ASZ1: variants seen among roughly 807,000 people sequenced by gnomAD.
ASZ1 encodes ankyrin repeat, SAM and basic leucine zipper domain containing 1, also known as ankyrin repeat, SAM and basic leucine zipper domain-containing protein 1.
In ASZ1, 67 loss-of-function variants were observed where a neutral mutation model predicts 61.8. The observed-to-expected ratio is 1.08, with a 90% CI of 0.89 to 1.33. ASZ1 has a LOEUF of 1.33. Ranked by LOEUF, ASZ1 falls within the 40% of genes most tolerant of loss-of-function variation. The pLI, the probability that ASZ1 is intolerant of heterozygous loss-of-function variation, is 0.00. For synonymous variants in ASZ1, 193 were observed against 192.7 expected, an observed-to-expected ratio of 1.00 and a Z score of -0.01; for missense variants, 577 against 554.5, an observed-to-expected ratio of 1.04 and a Z score of -0.41.
chr7:117,367,126 C>A (rs1458757926), intron 12 of ASZ1, among the ~76,000 whole-genome samples: 1 of 152,084 alleles, frequency 6.6e-6, no homozygotes, highest in African/African-American at 2.4e-5. Context: ...TTTTTCCCTG[C>A]TAATTGAAAA....
At chr7:117,408,238 G>A (rs1333021674) in intron 4 of ASZ1, among the ~76,000 whole-genome samples, 2 of 152,044 alleles carry the variant, frequency 1.3e-5, no homozygotes. Context: ...TCATTAGTAT[G>A]AGATGTCTAA....
intron 4 of ASZ1, 103 bp from the exon 5 acceptor site, chr7:117,385,912 C>G: frequency 4.5e-6 from 4 of 889,084 alleles, no homozygotes; most frequent in Non-Finnish European, 6.8e-6. Context: ...GCTTTGAAAA[C>G]GAAAAGAAAT....
chr7:117,381,491 G>C (rs190846290), intron 8 of ASZ1, among the ~76,000 whole-genome samples: 4 of 152,140 alleles, frequency 2.6e-5, no homozygotes, highest in African/African-American at 7.2e-5. Flanking sequence ...TATTTTAACA[G>C]AATGTGCACA....
chr7:117,392,434 T>G (rs1376079771), intron 4 of ASZ1, among the ~76,000 whole-genome samples: 1 of 152,176 alleles, frequency 6.6e-6, no homozygotes, highest in Non-Finnish European at 1.5e-5. Flanking sequence ...GTATTTTAAT[T>G]ATTTCATTTT....
At chr7:117,425,246 C>G (rs1192579628) in intron 2 of ASZ1, among the ~76,000 whole-genome samples, 1 of 140,558 alleles carries the variant, frequency 7.1e-6, no homozygotes. Flanking sequence ...CTTGTTATTC[C>G]TTTGAGTAAT....
intron 4 of ASZ1, among the ~76,000 whole-genome samples, chr7:117,418,295 T>C (rs1036420049): frequency 2.0e-5 from 3 of 152,192 alleles, no homozygotes; most frequent in Non-Finnish European, 4.4e-5. Context: ...AATTCCAAGG[T>C]ATAACCAGAT....
intron 10 of ASZ1, among the ~76,000 whole-genome samples, chr7:117,373,139 G>C (rs958926900): frequency 6.6e-6 from 1 of 152,102 alleles, no homozygotes; most frequent in Non-Finnish European, 1.5e-5. Context: ...CAGACAAAGA[G>C]TCTAAACAGG....
In ASZ1 at chr7:117,384,780, T is replaced by C. The variant is rs1317196561; in HGVS notation, c.633A>G (p.Gln211=). The C allele has an allele frequency of 1.2e-6, 2 of 1,612,008 alleles. No individual in the cohort carries two copies. Among genetic ancestry groups the C allele is most frequent in the African/African-American group, 1.3e-5 (1 of 74,814 alleles). The change falls in exon 6 of 13, where the codon CAA becomes CAG. Residue 211 remains glutamine, a synonymous_variant. Transcript: ENST00000284629. ...CACTTGGCATCTTTCCATCTTTGGTTTGTAGCATTTTATTAGCTCCAAGTT... is the reference window on the plus strand; with the variant it reads ...CACTTGGCATCTTTCCATCTTTGGTCTGTAGCATTTTATTAGCTCCAAGTT... The part of the protein sequence containing the change: ...LLELGANKML[Q]TKDGKMPSEI...
chr7:117,363,730 T>C lies in ASZ1; in HGVS notation c.1294A>G (p.Asn432Asp), dbSNP rs772009297. 2 of 1,577,978 alleles carry C rather than the reference T, an allele frequency of 1.3e-6. No individual in the cohort carries two copies. Among genetic ancestry groups the C allele is most frequent in the East Asian group, 4.6e-5 (2 of 43,566 alleles). Residue 432 changes from asparagine to aspartate, a missense_variant, in exon 13 of 13, where the codon AAT (asparagine) becomes GAT (aspartate). By Grantham distance (23) the Asn-to-Asp change is conservative. Transcript: ENST00000284629. The stretch of plus-strand genomic sequence containing the variant: ...CTTAATTGTATATGAGTTGGATCAT[T>C]TTCCCGTTCATTTTGCAACTAATAT... The part of the protein sequence containing the change: ...LIQKLQNERE[N>D]DPTHIQLREE...
chr7:117,420,109 C>A lies in ASZ1; in HGVS notation c.440+54G>T, dbSNP rs188362596. On this transcript the variant is annotated intron_variant, in intron 4 of 12. Transcript: ENST00000284629. The stretch of plus-strand genomic sequence containing the variant: ...GTTCATGATTTTTAAAAGGCTGATA[C>A]CAAAGAAAAATTCTAATTTGACTTG... 39 of 1,365,604 alleles carry A rather than the reference C, an allele frequency of 2.9e-5. No individual in the cohort carries two copies. In the East Asian group the frequency reaches 9.1e-4, roughly 32 times the overall value. 84.6% of individuals were successfully genotyped at this position (1,365,604 alleles called of 1,614,324 possible).
At chr7:117,417,255 G>A (rs1797011392) in intron 4 of ASZ1, among the ~76,000 whole-genome samples, 2 of 151,696 alleles carry the variant, frequency 1.3e-5, no homozygotes, top group Non-Finnish European at 2.9e-5. Flanking sequence ...TCTAGCTTTC[G>A]CAAAATCTAG....
intron 4 of ASZ1, among the ~76,000 whole-genome samples, chr7:117,395,439 T>C (rs1399229055): frequency 6.6e-6 from 1 of 152,154 alleles, no homozygotes; most frequent in African/African-American, 2.4e-5. Context: ...TTTAATTCTA[T>C]ATATTTAGAT....
intron 2 of ASZ1, among the ~76,000 whole-genome samples, chr7:117,423,236 T>C (rs571654312): frequency 1.3e-5 from 2 of 152,314 alleles, no homozygotes; most frequent in African/African-American, 4.8e-5. Context: ...TTTGTTGTTT[T>C]TTTTTAGGAT....
intron 8 of ASZ1, 27 bp downstream of exon 8, chr7:117,382,042 C>T (rs1482814639): frequency 5.1e-6 from 7 of 1,382,728 alleles, no homozygotes; most frequent in Non-Finnish European, 7.2e-6. Context: ...ATATGCATAA[C>T]TCACTGTAGG....
intron 4 of ASZ1, among the ~76,000 whole-genome samples, chr7:117,400,688 G>T (rs531741984): frequency 1.3e-3 from 197 of 152,246 alleles, no homozygotes; most frequent in African/African-American, 4.6e-3. Context: ...TATTTTCAGG[G>T]GCTGAAGAAG....
In ASZ1 at chr7:117,382,436, C is replaced by A. The variant is rs1011553429; in HGVS notation, c.813-292G>T. On this transcript the variant is annotated intron_variant, in intron 7 of 12. Coordinates refer to ENST00000284629, the MANE Select transcript of ASZ1 (RefSeq NM_130768.3). ...AGCCTGGTACAGTAGCATACACCTG[C>A]AGTCCCAGCTACTTGGGAGGCTGTG... Among the ~76,000 whole-genome samples, 238 of 152,038 alleles carry A rather than the reference C, an allele frequency of 1.6e-3. 2 individuals carry two copies. The highest frequency in any genetic ancestry group is 5.6e-3 in the African/African-American group (232 of 41,482).
At chr7:117,390,548 T>TGA (rs1465617375) in intron 4 of ASZ1, among the ~76,000 whole-genome samples, 4 of 152,184 alleles carry the variant, frequency 2.6e-5, no homozygotes, top group Admixed American at 6.5e-5. Context: ...TTTGGGTATA[T>TGA]ACTCAGTAAT....
chr7:117,384,683 T>A (rs1191911498), intron 6 of ASZ1, 43 bp downstream of exon 6: 1 of 1,554,622 alleles, frequency 6.4e-7, no homozygotes, highest in Non-Finnish European at 8.7e-7. Flanking sequence ...AATGATAATG[T>A]GATATGCCAC....
At chr7:117,396,316 A>C (rs914775910) in intron 4 of ASZ1, among the ~76,000 whole-genome samples, 5 of 152,210 alleles carry the variant, frequency 3.3e-5, no homozygotes, top group Non-Finnish European at 2.9e-5. Context: ...TTCCCAAAAC[A>C]ATGGTAAAAC....
Sources: allele counts gnomAD v4.1 joint callset (sites outside exome capture counted in the v4.1 genomes callset), GRCh38; gene constraint gnomAD v4.1.1; transcripts MANE v1.5; gene names NCBI Gene and HGNC (gene_info 2026-07-23, HGNC 2026-07-21).